TBC1D13: variants seen among roughly 807,000 people sequenced by gnomAD.
The protein encoded by TBC1D13 is epididymis secretory sperm binding protein.
In TBC1D13, 40 loss-of-function variants were observed where a neutral mutation model predicts 53.6. The ratio of observed to expected loss-of-function variants is 0.75; its 90% confidence interval spans 0.58 to 0.97. The LOEUF (loss-of-function observed/expected upper bound fraction) is 0.97, where lower values mean the gene tolerates loss of function less well. Ranked by LOEUF, TBC1D13 falls within the 50% of genes least tolerant of loss-of-function variation. TBC1D13 has a pLI of 0.00. For synonymous variants in TBC1D13, 182 were observed against 197.7 expected, an observed-to-expected ratio of 0.92 and a Z score of 0.67; for missense variants, 377 against 499.4, an observed-to-expected ratio of 0.75 and a Z score of 2.34.
Position 128,808,038 on chromosome 9 carries a change from C to T in TBC1D13, c.*159C>T, listed in dbSNP as rs574828721. ...CACTGGGGACACACTGTGCCGTGCT[C>T]CTTCTGCCGCCACGCCCAGCTCCCC... On this transcript the variant is annotated 3_prime_UTR_variant, in exon 12 of 12. Transcript: ENST00000372648. 1.1e-3 allele frequency: 719 copies of T among 662,602 alleles called. 2 individuals carry two copies. The highest frequency in any genetic ancestry group is 8.4e-3 in the Middle Eastern group (21 of 2,494). The allele number at this position is 662,602 out of a possible 1,614,324, so 41.0% of individuals were successfully genotyped here.
chr9:128,807,704 G>A (rs1384167681), intron 11 of TBC1D13, 110 bp from the exon 12 acceptor site: 9 of 1,128,776 alleles, frequency 8.0e-6, no homozygotes, highest in Non-Finnish European at 1.1e-5. Context: ...CTGTGCTCCT[G>A]CCCCTGAGGC....
At chr9:128,807,425 A>C (rs1470310080) in intron 11 of TBC1D13, among the ~76,000 whole-genome samples, 4 of 152,106 alleles carry the variant, frequency 2.6e-5, no homozygotes, top group Non-Finnish European at 5.9e-5. Context: ...CCAGATCTGG[A>C]AAAAGTGCAG....
In TBC1D13 at chr9:128,788,367, C is replaced by G. The variant is rs746599141; in HGVS notation, c.57C>G (p.Pro19=). The change falls in exon 2 of 12, where the codon CCC becomes CCG. Residue 19 remains proline, a synonymous_variant. Coordinates refer to ENST00000372648, the MANE Select transcript of TBC1D13 (RefSeq NM_018201.5). ...IADFQDVLKE[P]SIALEKLREL... is the part of the protein sequence containing the mutation. ...ATTTCCAGGATGTCCTGAAGGAGCC[C>G]TCAATTGCATTGGAAAAGCTGCGGG... The G allele has an allele frequency of 6.2e-7, 1 of 1,614,168 alleles. No individual in the cohort carries two copies. Among genetic ancestry groups the G allele is most frequent in the Admixed American group, 1.7e-5 (1 of 60,008 alleles).
At position 128,792,460 on chromosome 9, in the gene TBC1D13, C is replaced by T. The variant is rs371084354; in HGVS notation, c.301-32C>T. 4 of 1,610,306 alleles carry T rather than the reference C, an allele frequency of 2.5e-6. No individual in the cohort carries two copies. The African/African-American group carries it at 4.0e-5, about 16-fold the overall frequency. ...ATCGGGCCCCGGGGCCTAGCTGGGC[C>T]TTGGACAGAGCATCTTCATTTCTCC... On this transcript the variant is annotated intron_variant, in intron 5 of 11. Coordinates refer to ENST00000372648, the MANE Select transcript of TBC1D13 (RefSeq NM_018201.5).
intron 1 of TBC1D13, 81 bp downstream of exon 1, chr9:128,787,457 G>A (rs575016945): frequency 8.1e-7 from 1 of 1,232,036 alleles, no homozygotes; most frequent in African/African-American, 1.6e-5. Context: ...GGGAAGCGCG[G>A]GTGTGGCCAG....
intron 9 of TBC1D13, 29 bp from the exon 10 acceptor site, chr9:128,805,830 G>A: frequency 6.2e-7 from 1 of 1,605,630 alleles, no homozygotes; most frequent in Non-Finnish European, 8.5e-7. Flanking sequence ...ACAGAGTCAT[G>A]CCCCCCACCC....
rs900457629 is a variant in TBC1D13 at position 128,803,279 on chromosome 9, A to G, written c.573A>G (p.Pro191=). The change falls in exon 8 of 12, where the codon CCA becomes CCG. Residue 191 remains proline, a synonymous_variant. Transcript: ENST00000372648. The stretch of plus-strand genomic sequence containing the variant: ...GCTCCCCACACAAGAACTCTGTGCC[A>G]TCATCCCTAAATGAGTATGAGGTGC... The part of the protein sequence containing the change: ...NMSSPHKNSV[P]SSLNEYEVLP... 1.2e-6 allele frequency: 2 copies of G among 1,614,010 alleles called. No individual in the cohort carries two copies. The highest frequency in any genetic ancestry group is 2.7e-5 in the African/African-American group (2 of 74,906).
At chr9:128,804,184 G>A (rs975804867) in intron 9 of TBC1D13, 65 bp downstream of exon 9, 13 of 1,574,208 alleles carry the variant, frequency 8.3e-6, no homozygotes, top group African/African-American at 1.3e-5. Flanking sequence ...TGCCATCCCA[G>A]CCCAGGGCGA....
intron 7 of TBC1D13, among the ~76,000 whole-genome samples, chr9:128,797,470 T>C (rs76793287): frequency 0.041 from 6,313 of 152,128 alleles, 146 homozygotes; most frequent in East Asian, 0.089. Flanking sequence ...TCTAATCTTA[T>C]AGTGGGGATG....
chr9:128,808,595 C>T lies in TBC1D13; in HGVS notation c.*716C>T, dbSNP rs1438488700. 6.5e-6 allele frequency: 1 copy of T among 153,386 alleles called. No individual in the cohort carries two copies. Among genetic ancestry groups the T allele is most frequent in the African/African-American group, 2.4e-5 (1 of 41,412 alleles). The allele number at this position is 153,386 out of a possible 1,614,324, so 9.5% of individuals were successfully genotyped here. ...ATGATTCCTCTCTCCATTACTCTCC[C>T]TGCCCTTCTCTGTTGGGGTGCCTTA... On this transcript the variant is annotated 3_prime_UTR_variant, in exon 12 of 12. Transcript: ENST00000372648.
At chr9:128,803,182 G>A (rs1163856260) in intron 7 of TBC1D13, 68 bp from the exon 8 acceptor site, 14 of 1,468,386 alleles carry the variant, frequency 9.5e-6, no homozygotes, top group African/African-American at 1.4e-5. Flanking sequence ...CAAAGTGCTG[G>A]GATTTCAGGC....
In TBC1D13 at chr9:128,803,371, A is replaced by G. The variant is rs772793539; in HGVS notation, c.665A>G (p.Asn222Ser). ...ATCCTGTTCATCTACGCCAAGCTCAACCCTGGCATCGCTTATGTGCAAGGC... is the reference window on the plus strand; with the variant it reads ...ATCCTGTTCATCTACGCCAAGCTCAGCCCTGGCATCGCTTATGTGCAAGGC... The part of the protein sequence containing the change: ...ERILFIYAKL[N>S]PGIAYVQGMN... The change falls in exon 8 of 12, where the codon AAC becomes AGC. Residue 222 changes from asparagine to serine, a missense_variant. Transcript: ENST00000372648. The G allele has an allele frequency of 3.7e-6, 6 of 1,614,122 alleles. No homozygotes were observed. Among genetic ancestry groups the G allele is most frequent in the Non-Finnish European group, 3.4e-6 (4 of 1,180,014 alleles).
chr9:128,798,325 C>T (rs764287060), intron 7 of TBC1D13, among the ~76,000 whole-genome samples: 3 of 151,392 alleles, frequency 2.0e-5, no homozygotes, highest in South Asian at 2.1e-4. Flanking sequence ...CGGGAGAGAG[C>T]GTGGTGTGTT....
intron 9 of TBC1D13, among the ~76,000 whole-genome samples, chr9:128,804,720 GTTTTTT>G (rs1170366996): frequency 1.8e-5 from 1 of 56,392 alleles, no homozygotes; most frequent in Non-Finnish European, 3.0e-5. Flanking sequence ...TTTTTTTTCT[GTTTTTT>G]TTTTTTTTTT....
chr9:128,806,395 G>T lies in TBC1D13; in HGVS notation c.1137+84G>T, dbSNP rs920668522. 2.1e-4 allele frequency: 322 copies of T among 1,513,318 alleles called. 3 individuals carry two copies. Among genetic ancestry groups the T allele is most frequent in the Middle Eastern group, 9.2e-4 (5 of 5,422 alleles). The allele number at this position is 1,513,318 out of a possible 1,614,324, so 93.7% of individuals were successfully genotyped here. On this transcript the variant is annotated intron_variant, in intron 11 of 11. Coordinates refer to ENST00000372648, the MANE Select transcript of TBC1D13 (RefSeq NM_018201.5). ...CTGCCCACGCCAGCTGCTGCGACAG[G>T]CTGGGCAGGGGCAGCGGAGTGTAGT...
intron 7 of TBC1D13, among the ~76,000 whole-genome samples, chr9:128,802,213 G>A (rs1323538719): frequency 6.7e-6 from 1 of 149,318 alleles, no homozygotes; most frequent in African/African-American, 2.4e-5. Flanking sequence ...ACGCCACCAC[G>A]CCTGGCTAAT....
chr9:128,792,718 A>T, intron 6 of TBC1D13, 144 bp downstream of exon 6: 2 of 703,744 alleles, frequency 2.8e-6, no homozygotes, highest in Non-Finnish European at 4.8e-6. Context: ...GGGTCCAGGC[A>T]CTATTGATGA....
At position 128,792,535 on chromosome 9, in the gene TBC1D13, A is replaced by G; in HGVS notation, c.344A>G (p.Lys115Arg). ...NPDSRWNTYFKDNEVLLQIDK... is the reference protein window; with the variant it reads ...NPDSRWNTYFRDNEVLLQIDK... ...GACAGCCGGTGGAACACGTACTTCA[A>G]GGACAACGAGGTGCTGCTGCAGATC... Residue 115 changes from lysine (K) to arginine (R), a missense_variant, in exon 6 of 12, where the codon AAG (lysine) becomes AGG (arginine). Physicochemically the swap from Lys to Arg is conservative, Grantham distance 26 (BLOSUM62 2). Transcript: ENST00000372648. 3 of 1,614,158 alleles carry G rather than the reference A, an allele frequency of 1.9e-6. No individual in the cohort carries two copies. The highest frequency in any genetic ancestry group is 1.7e-6 in the Non-Finnish European group (2 of 1,179,980).
chr9:128,799,913 C>T (rs907514517), intron 7 of TBC1D13, among the ~76,000 whole-genome samples: 11 of 152,152 alleles, frequency 7.2e-5, no homozygotes, highest in South Asian at 4.1e-4. Context: ...CCCAGCTACT[C>T]GGGAGGCTGA....
Sources: allele counts gnomAD v4.1 joint callset (sites outside exome capture counted in the v4.1 genomes callset), GRCh38; gene constraint gnomAD v4.1.1; transcripts MANE v1.5; gene names NCBI Gene and HGNC (gene_info 2026-07-23, HGNC 2026-07-21).